RPS7: variants seen among roughly 807,000 people sequenced by gnomAD.
RPS7 encodes the protein small ribosomal subunit protein eS7.
Under a neutral mutation model 22.1 loss-of-function variants are expected in RPS7, and 1 was observed. The ratio of observed to expected loss-of-function variants is 0.05; its 90% CI spans 0.02 to 0.21. The LOEUF is 0.21. Among genes scored for constraint, RPS7 ranks in the 10% least tolerant of loss-of-function variants. The pLI is 1.00. For missense variants in RPS7, 137 were observed against 246.4 expected (o/e 0.56, Z 2.97); for synonymous variants, 80 against 92.0 (o/e 0.87, Z 0.74).
At chr2:3,576,199 G>GA in intron 3 of RPS7, 1 of 592,634 alleles carries the variant, frequency 1.7e-6, no homozygotes, top group Non-Finnish European at 3.0e-6. Context: ...GGGGAGCTCA[G>GA]GATGAGATTC....
chr2:3,576,033 G>A, intron 3 of RPS7, 145 bp downstream of exon 3: 2 of 707,944 alleles, frequency 2.8e-6, no homozygotes, highest in East Asian at 2.7e-5. Flanking sequence ...TGTTGTTTGG[G>A]AGTGATACCG....
At chr2:3,576,077 G>C (rs1436122186) in intron 3 of RPS7, 189 bp downstream of exon 3, 2 of 642,482 alleles carry the variant, frequency 3.1e-6, no homozygotes, top group Non-Finnish European at 5.7e-6. Flanking sequence ...CAGGTACCCT[G>C]CGGCTTAAGC....
At position 3,580,103 on chromosome 2, in the gene RPS7, CT is replaced by C. The variant is rs140914434; in HGVS notation, c.357-3del. 38 of 1,613,618 alleles carry C rather than the reference CT, an allele frequency of 2.4e-5. No individual in the cohort carries two copies. Among genetic ancestry groups the C allele is most frequent in the Middle Eastern group, 1.6e-4 (1 of 6,076 alleles). On this transcript the variant is annotated splice_region_variant and splice_polypyrimidine_tract_variant and intron_variant, in intron 5 of 6. Transcript: ENST00000645674. The stretch of plus-strand genomic sequence containing the variant: ...TAGGTTGCTTACCTTTTAAACTATT[CT>C]TTTAGCCGTACTCTGACAGCTGTGC...
At chr2:3,576,760 G>A (rs886586097) in intron 4 of RPS7, 130 bp downstream of exon 4, 7 of 1,197,216 alleles carry the variant, frequency 5.8e-6, no homozygotes, top group Admixed American at 5.0e-5. Context: ...GAAAGATAAA[G>A]TACAGGCAGA....
At chr2:3,576,264 T>G in intron 3 of RPS7, 3 of 616,734 alleles carry the variant, frequency 4.9e-6, no homozygotes, top group South Asian at 3.9e-5. Flanking sequence ...TGGTAGTGAT[T>G]GGCCTCCTGG....
At chr2:3,575,509 G>T (rs1027422070) in intron 1 of RPS7, 83 bp from the exon 2 acceptor site, 5 of 901,614 alleles carry the variant, frequency 5.5e-6, no homozygotes, top group Non-Finnish European at 9.0e-6. Flanking sequence ...GGCGAGCGGG[G>T]CCTGGCCGGG....
chr2:3,577,689 A>G lies in RPS7; in HGVS notation c.292-21A>G, dbSNP rs150686417. The G allele has an allele frequency of 4.5e-3, 7,117 of 1,580,380 alleles. 36 individuals are homozygous for G. The highest frequency in any genetic ancestry group is 0.016 in the African/African-American group (1,189 of 74,260). ...TTAAAGTCTTTTTTCATTTTGTTAC[A>G]TGATAATTTTTACCTTACAGAGGAG... On this transcript the variant is annotated intron_variant, in intron 4 of 6. Coordinates refer to ENST00000645674, the MANE Select transcript of RPS7 (RefSeq NM_001011.4).
At chr2:3,578,553 AC>A (rs1362210939) in intron 5 of RPS7, 2 of 152,126 alleles carry the variant, frequency 1.3e-5, no homozygotes, top group African/African-American at 4.8e-5. Flanking sequence ...TGTTCTGAAA[AC>A]CACTAGAACA....
At chr2:3,579,321 A>G (rs1452362571) in intron 5 of RPS7, 1 of 152,270 alleles carries the variant, frequency 6.6e-6, no homozygotes, top group East Asian at 1.9e-4. Flanking sequence ...GCTGTGACAT[A>G]TTAAGATGTT....
chr2:3,576,329 G>C, intron 3 of RPS7, 158 bp from the exon 4 acceptor site: 1 of 744,608 alleles, frequency 1.3e-6, no homozygotes, highest in South Asian at 1.5e-5. Context: ...AGAGAGATGA[G>C]AACATTTCCG....
chr2:3,575,954 G>C, intron 3 of RPS7, 66 bp downstream of exon 3: 1 of 1,120,802 alleles, frequency 8.9e-7, no homozygotes, highest in Non-Finnish European at 1.3e-6. Flanking sequence ...TGCCTGAGAG[G>C]GTTGGACCTG....
At chr2:3,579,145 G>A (rs962408435) in intron 5 of RPS7, 1 of 152,236 alleles carries the variant, frequency 6.6e-6, no homozygotes, top group Non-Finnish European at 1.5e-5. Context: ...TTAAAAGATT[G>A]TAGATGACAT....
At chr2:3,575,448 G>C in intron 1 of RPS7, 98 bp downstream of exon 1, 1 of 648,144 alleles carries the variant, frequency 1.5e-6, no homozygotes, top group Admixed American at 2.7e-5. Context: ...TTGCTCACAG[G>C]GTGGGGATAC....
intron 4 of RPS7, chr2:3,576,880 A>G: frequency 1.8e-6 from 1 of 542,972 alleles, no homozygotes; most frequent in Middle Eastern, 4.2e-4. Context: ...AAAATAGAAA[A>G]AATAAGTTTT....
intron 6 of RPS7, 96 bp downstream of exon 6, chr2:3,580,356 A>G: frequency 9.1e-7 from 1 of 1,096,208 alleles, no homozygotes; most frequent in African/African-American, 1.5e-5. Flanking sequence ...CAATGACTGT[A>G]GTAAACTCAG....
At chr2:3,577,383 C>G (rs1055326301) in intron 4 of RPS7, 2 of 297,222 alleles carry the variant, frequency 6.7e-6, no homozygotes, top group Admixed American at 4.8e-5. Flanking sequence ...TTGGTGCAAA[C>G]TGAAGTCTAT....
At position 3,577,696 on chromosome 2, in the gene RPS7, T is replaced by TTTCC; in HGVS notation, c.292-12_292-11insCCTT. On this transcript the variant is annotated splice_polypyrimidine_tract_variant and intron_variant, in intron 4 of 6. Transcript: ENST00000645674. ...CTTTTTTCATTTTGTTACATGATAA[T>TTTCC]TTTTACCTTACAGAGGAGAATTCTG... 6.3e-7 allele frequency: 1 copy of TTTCC among 1,599,036 alleles called. No individual in the cohort carries two copies. Among genetic ancestry groups the TTTCC allele is most frequent in the Non-Finnish European group, 8.6e-7 (1 of 1,167,352 alleles).
At position 3,575,634 on chromosome 2, in the gene RPS7, G is replaced by A. The variant is rs745716838; in HGVS notation, c.25G>A (p.Val9Met). Reference sequence around the variant, plus strand: ...CATGTTCAGTTCGAGCGCCAAGATCGTGAAGCCCAATGGCGAGAAGCCGGA... The same window carrying A: ...CATGTTCAGTTCGAGCGCCAAGATCATGAAGCCCAATGGCGAGAAGCCGGA... MFSSSAKIVKPNGEKPDEF... is the reference protein window; with the variant it reads MFSSSAKIMKPNGEKPDEF... Residue 9 changes from valine to methionine, a missense_variant, in exon 2 of 7, where the codon GTG becomes ATG. Coordinates refer to ENST00000645674, the MANE Select transcript of RPS7 (RefSeq NM_001011.4). 1.9e-6 allele frequency: 3 copies of A among 1,611,322 alleles called. No homozygotes were observed. The African/African-American group carries it at 4.0e-5, about 21-fold the overall frequency.
intron 4 of RPS7, chr2:3,577,362 C>A: frequency 4.1e-6 from 1 of 245,832 alleles, no homozygotes; most frequent in Non-Finnish European, 8.0e-6. Flanking sequence ...TGTTACAGTT[C>A]GGATGGGGGA....
Sources: allele counts gnomAD v4.1 joint callset, GRCh38; gene constraint gnomAD v4.1.1; transcripts MANE v1.5; gene names NCBI Gene and HGNC (gene_info 2026-07-23, HGNC 2026-07-21).